The following CLIP1 variants were observed in gnomAD, a reference collection of about 807,000 sequenced individuals.
CLIP1 encodes CAP-Gly domain-containing linker protein 1.
A neutral mutation model predicts 161.6 loss-of-function variants in CLIP1; 66 were observed. That is an observed-to-expected ratio of 0.41 (90% CI 0.33 to 0.50). The LOEUF is 0.50. Ranked by LOEUF, CLIP1 falls within the 20% of genes least tolerant of loss-of-function variation. CLIP1 has a pLI of 0.27. For synonymous variants in CLIP1, 598 were observed against 626.2 expected (o/e 0.96, Z 0.67); for missense variants, 1,376 against 1,702.0 (o/e 0.81, Z 3.37).
chr12:122,364,005 C>T lies in CLIP1; in HGVS notation c.760G>A (p.Asp254Asn). 6.2e-7 allele frequency: 1 copy of T among 1,614,186 alleles called. No homozygotes were observed. ...AACCTTGTTCCAGCAACAGCGCCAT[C>T]ATTCTTCCCAAGTGGCTCATCTAAC... ...VELDEPLGKN[D>N]GAVAGTRYFQ... is the part of the protein sequence containing the mutation. Residue 254 changes from aspartate to asparagine, a missense_variant, in exon 4 of 26, where the codon GAT (aspartate) becomes AAT (asparagine). By Grantham distance (23) the Asp-to-Asn change is conservative. Transcript: ENST00000620786.
At chr12:122,379,940 T>C (rs1954929513) in intron 2 of CLIP1, among the ~76,000 whole-genome samples, 2 of 61,830 alleles carry the variant, frequency 3.2e-5, no homozygotes, top group Admixed American at 2.3e-4. Context: ...CAAGACTCCA[T>C]CTTTAAAAAA....
chr12:122,272,696 T>C lies in CLIP1; in HGVS notation c.*179A>G. Reference sequence around the variant, plus strand: ...AACTCACCTACTAAATATTTATTATTCTAACTCATACGGGGAGACTAAAGG... The same window carrying C: ...AACTCACCTACTAAATATTTATTATCCTAACTCATACGGGGAGACTAAAGG... On this transcript the variant is annotated 3_prime_UTR_variant, in exon 26 of 26. Coordinates refer to ENST00000620786, the MANE Select transcript of CLIP1 (RefSeq NM_001247997.2). The C allele has an allele frequency of 1.7e-6, 1 of 599,384 alleles. No homozygotes were observed. The highest frequency in any genetic ancestry group is 3.0e-6 in the Non-Finnish European group (1 of 335,110). The allele number at this position is 599,384 out of a possible 1,614,324, so 37.1% of individuals were successfully genotyped here.
At chr12:122,294,394 CA>C (rs1222842370) in intron 20 of CLIP1, among the ~76,000 whole-genome samples, 1 of 148,536 alleles carries the variant, frequency 6.7e-6, no homozygotes, top group African/African-American at 2.5e-5. Context: ...ATGGATAAAG[CA>C]ACTATGATAT....
chr12:122,421,931 T>A (rs1189790010), intron 1 of CLIP1, among the ~76,000 whole-genome samples: 1 of 152,222 alleles, frequency 6.6e-6, no homozygotes, highest in African/African-American at 2.4e-5. Flanking sequence ...CCGAGAGCGA[T>A]CTGGCCACCT....
chr12:122,402,525 C>T (rs892910834), intron 1 of CLIP1, among the ~76,000 whole-genome samples: 1 of 151,990 alleles, frequency 6.6e-6, no homozygotes, highest in African/African-American at 2.4e-5. Context: ...CCTGTAATCC[C>T]AGCACTTTGG....
At chr12:122,330,303 C>T (rs989151830) in intron 15 of CLIP1, among the ~76,000 whole-genome samples, 23 of 152,098 alleles carry the variant, frequency 1.5e-4, no homozygotes, top group Admixed American at 4.6e-4. Flanking sequence ...CACCTCAAGG[C>T]AAGTTTGACC....
At chr12:122,347,137 T>C (rs1054775385) in intron 10 of CLIP1, among the ~76,000 whole-genome samples, 2 of 152,220 alleles carry the variant, frequency 1.3e-5, no homozygotes, top group Non-Finnish European at 2.9e-5. Context: ...GTTGTAAAGT[T>C]TCTGATCCTG....
At chr12:122,298,554 G>A (rs1950559259) in intron 20 of CLIP1, among the ~76,000 whole-genome samples, 1 of 147,100 alleles carries the variant, frequency 6.8e-6, no homozygotes, top group African/African-American at 2.5e-5. Flanking sequence ...CTGAGATTAT[G>A]CCATCGCACT....
intron 19 of CLIP1, among the ~76,000 whole-genome samples, chr12:122,315,814 TG>T (rs1276028236): frequency 6.6e-6 from 1 of 151,864 alleles, no homozygotes; most frequent in Non-Finnish European, 1.5e-5. Context: ...CTAATTTCTT[TG>T]TATTTTTAGT....
chr12:122,288,378 C>G, intron 21 of CLIP1, 111 bp downstream of exon 21: 1 of 917,744 alleles, frequency 1.1e-6, no homozygotes, highest in Non-Finnish European at 1.6e-6. Flanking sequence ...ATCACAATGC[C>G]ATTTTCTGAA....
chr12:122,370,970 GAA>G (rs10548483), intron 3 of CLIP1, among the ~76,000 whole-genome samples: 3,915 of 75,100 alleles, frequency 0.052, 137 homozygotes, highest in African/African-American at 0.11. Context: ...AAAAAAAAAA[GAA>G]AAAAAAAAAA....
intron 3 of CLIP1, among the ~76,000 whole-genome samples, chr12:122,364,366 G>A (rs1414413081): frequency 6.6e-6 from 1 of 151,712 alleles, no homozygotes; most frequent in Non-Finnish European, 1.5e-5. Context: ...AGTCATTAAG[G>A]CTGTTCACCA....
intron 1 of CLIP1, among the ~76,000 whole-genome samples, chr12:122,410,446 G>C (rs560094904): frequency 1.3e-4 from 19 of 145,362 alleles, no homozygotes; most frequent in Admixed American, 4.3e-4. Context: ...TATACACACA[G>C]ACACACACAC....
intron 19 of CLIP1, among the ~76,000 whole-genome samples, chr12:122,316,151 A>G (rs1951260909): frequency 6.6e-6 from 1 of 151,594 alleles, no homozygotes; most frequent in African/African-American, 2.4e-5. Flanking sequence ...TCGGAAGTTC[A>G]AGACCAAATG....
At chr12:122,334,954 C>T (rs1005612233) in intron 12 of CLIP1, among the ~76,000 whole-genome samples, 2 of 152,144 alleles carry the variant, frequency 1.3e-5, no homozygotes, top group African/African-American at 4.8e-5. Flanking sequence ...CACCAGCATG[C>T]CCATGTAGGC....
At chr12:122,370,900 G>C (rs1593183870) in intron 3 of CLIP1, among the ~76,000 whole-genome samples, 2 of 148,366 alleles carry the variant, frequency 1.3e-5, no homozygotes, top group African/African-American at 5.0e-5. Context: ...AGAGGTTGCA[G>C]TGAGCCGAGA....
chr12:122,398,966 A>G (rs1321400262), intron 1 of CLIP1, among the ~76,000 whole-genome samples: 3 of 145,598 alleles, frequency 2.1e-5, no homozygotes, highest in South Asian at 2.2e-4. Flanking sequence ...AAAAACCTTA[A>G]GCAATTTACA....
At chr12:122,389,364 ACTCT>A in intron 1 of CLIP1, among the ~76,000 whole-genome samples, 1 of 152,174 alleles carries the variant, frequency 6.6e-6, no homozygotes, top group Non-Finnish European at 1.5e-5. Flanking sequence ...TATTTAAATG[ACTCT>A]ACAAACCAGC....
At chr12:122,408,309 T>C (rs1004757304) in intron 1 of CLIP1, among the ~76,000 whole-genome samples, 1 of 151,824 alleles carries the variant, frequency 6.6e-6, no homozygotes, top group Non-Finnish European at 1.5e-5. Context: ...TGAGAGACAA[T>C]GGACAAATAA....
Sources: gnomAD v4.1 joint callset for allele counts (sites outside exome capture counted in the v4.1 genomes callset) on GRCh38, gnomAD v4.1.1 for gene constraint, MANE v1.5 for transcripts, NCBI Gene and HGNC (gene_info 2026-07-23, HGNC 2026-07-21) for gene names.